The following ATG2B variants were observed in gnomAD, a reference collection of about 807,000 sequenced individuals.
ATG2B encodes autophagy-related protein 2 homolog B.
Under a neutral mutation model 241.3 loss-of-function variants are expected in ATG2B, and 121 were observed. That is an observed-to-expected ratio of 0.50 (90% CI 0.43 to 0.58). ATG2B has a LOEUF of 0.58. ATG2B is among the 20% of genes least tolerant of loss of function. The pLI is 0.00. For synonymous variants in ATG2B, 858 were observed against 876.6 expected, an observed-to-expected ratio of 0.98 and a Z score of 0.37; for missense variants, 2,306 against 2,491.6, an observed-to-expected ratio of 0.93 and a Z score of 1.59.
chr14:96,292,076 C>T lies in ATG2B; in HGVS notation c.5449G>A (p.Val1817Ile). Residue 1817 changes from valine to isoleucine, a missense_variant, in exon 37 of 42, where the codon GTT becomes ATT. Physicochemically the swap from Val to Ile is conservative, Grantham distance 29. Transcript: ENST00000359933. The stretch of plus-strand genomic sequence containing the variant: ...CCATGATAATCAAGTCGAATGGGAA[C>T]TTCTGACGTGAATCTAAATTCTCTG... The part of the protein sequence containing the change: ...FFREFRFTSE[V>I]PIRLDYHGKH... The T allele has an allele frequency of 6.3e-7, 1 of 1,594,310 alleles. No individual in the cohort carries two copies. Among genetic ancestry groups the T allele is most frequent in the Non-Finnish European group, 8.5e-7 (1 of 1,169,974 alleles).
intron 1 of ATG2B, among the ~76,000 whole-genome samples, chr14:96,357,965 T>G (rs1389077870): frequency 6.6e-6 from 1 of 152,204 alleles, no homozygotes; most frequent in Non-Finnish European, 1.5e-5. Flanking sequence ...TTAAAACATA[T>G]GGAGGCAATG....
chr14:96,362,434 C>T (rs1433119602), intron 1 of ATG2B, among the ~76,000 whole-genome samples: 1 of 152,148 alleles, frequency 6.6e-6, no homozygotes, highest in African/African-American at 2.4e-5. Flanking sequence ...ATCCTTAATC[C>T]TTCCAGAATG....
At position 96,326,924 on chromosome 14, in the gene ATG2B, A is replaced by T. The variant is rs1887601639; in HGVS notation, c.2164-1002T>A. 2.0e-5 allele frequency among the ~76,000 whole-genome samples: 3 copies of T among 151,986 alleles called. No homozygotes were observed. In the South Asian group the frequency reaches 6.2e-4, roughly 32 times the overall value. On this transcript the variant is annotated intron_variant, in intron 14 of 41. Transcript: ENST00000359933. ...TTTGATTTGCTAATATTTAACCACC[A>T]CTCTCAGGCAAAAATAACCCAACAG...
chr14:96,315,688 T>C (rs1566722774), intron 21 of ATG2B, 105 bp from the exon 22 acceptor site: 2 of 821,542 alleles, frequency 2.4e-6, no homozygotes, highest in African/African-American at 1.7e-5. Flanking sequence ...CCACTGAATA[T>C]AACTTAAGGA....
intron 4 of ATG2B, among the ~76,000 whole-genome samples, chr14:96,343,703 G>A (rs374124084): frequency 4.6e-5 from 7 of 152,202 alleles, no homozygotes; most frequent in African/African-American, 1.7e-4. Context: ...TGGTAACAGT[G>A]TGACAGCATT....
chr14:96,293,633 A>C (rs908689666), intron 36 of ATG2B, among the ~76,000 whole-genome samples: 13 of 152,370 alleles, frequency 8.5e-5, no homozygotes, highest in South Asian at 4.1e-4. Context: ...GGTCTTGAGC[A>C]AGTCAACTAA....
At chr14:96,354,348 T>A (rs1888416082) in intron 1 of ATG2B, among the ~76,000 whole-genome samples, 1 of 152,214 alleles carries the variant, frequency 6.6e-6, no homozygotes, top group Admixed American at 6.5e-5. Context: ...GTTCTCATCA[T>A]TCAGCTCCCA....
chr14:96,358,005 A>C (rs1360453065), intron 1 of ATG2B, among the ~76,000 whole-genome samples: 1 of 152,238 alleles, frequency 6.6e-6, no homozygotes, highest in Admixed American at 6.5e-5. Flanking sequence ...TCAACCTTAG[A>C]CAACTATGAG....
chr14:96,290,790 T>G lies in ATG2B; in HGVS notation c.5701+24A>C. The G allele has an allele frequency of 6.3e-7, 1 of 1,591,474 alleles. No homozygotes were observed. Among genetic ancestry groups the G allele is most frequent in the South Asian group, 1.2e-5 (1 of 86,212 alleles). ...TCATCTGAAAAAATAACTTATCTTT[T>G]GATTAAAAAAGAAGAAAACTCACCT... On this transcript the variant is annotated intron_variant, in intron 39 of 41. Transcript: ENST00000359933. The surrounding 1 kb of genome is among the most constrained non-coding windows in gnomAD (Gnocchi z 4.4).
chr14:96,347,683 G>T (rs1595332862), intron 1 of ATG2B, among the ~76,000 whole-genome samples: 2 of 152,186 alleles, frequency 1.3e-5, no homozygotes, highest in East Asian at 3.8e-4. Flanking sequence ...GATTTGAATA[G>T]ACATTCCTCA....
intron 1 of ATG2B, among the ~76,000 whole-genome samples, chr14:96,361,904 A>G (rs1475098061): frequency 4.6e-5 from 7 of 152,188 alleles, no homozygotes; most frequent in Non-Finnish European, 7.4e-5. Flanking sequence ...TCCATAATTT[A>G]AGATTTTCTG....
In ATG2B at chr14:96,289,731, A is replaced by G; in HGVS notation, c.5931T>C (p.Phe1977=). Residue 1977 remains phenylalanine, a synonymous_variant, in exon 41 of 42, where the codon TTT becomes TTC. Coordinates refer to ENST00000359933, the MANE Select transcript of ATG2B (RefSeq NM_018036.7). The surrounding 1 kb of genome is among the most constrained non-coding windows in gnomAD (Gnocchi z 4.3). The part of the protein sequence containing the change: ...LSIEPKKTKR[F]PHHRLAHQPV... ...GCTGGTGGGCTAACCGGTGATGAGG[A>G]AACCTTTTGGTCTTCTTGGGCTCGA... The G allele has an allele frequency of 6.2e-7, 1 of 1,614,196 alleles. No homozygotes were observed. The highest frequency in any genetic ancestry group is 8.5e-7 in the Non-Finnish European group (1 of 1,180,016).
At position 96,334,514 on chromosome 14, in the gene ATG2B, A is replaced by T; in HGVS notation, c.925-13T>A. ...CATCAACATCCAACTTAAGGGAAAA[A>T]AAAAAACTATTCATGAGGAGTATTC... On this transcript the variant is annotated splice_polypyrimidine_tract_variant and intron_variant, in intron 6 of 41. Coordinates refer to ENST00000359933, the MANE Select transcript of ATG2B (RefSeq NM_018036.7). 2.0e-6 allele frequency: 3 copies of T among 1,513,118 alleles called. No individual in the cohort carries two copies. Among genetic ancestry groups the T allele is most frequent in the Non-Finnish European group, 1.8e-6 (2 of 1,105,720 alleles). 93.7% of individuals were successfully genotyped at this position (1,513,118 alleles called of 1,614,324 possible).
At chr14:96,340,532 A>T (rs147169247) in intron 6 of ATG2B, among the ~76,000 whole-genome samples, 1 of 152,112 alleles carries the variant, frequency 6.6e-6, no homozygotes, top group Admixed American at 6.5e-5. Context: ...CGAAGAGTAG[A>T]CTGATGGTTA....
chr14:96,322,103 T>G lies in ATG2B; in HGVS notation c.2879+9A>C, dbSNP rs975615619. On this transcript the variant is annotated intron_variant, in intron 18 of 41. Coordinates refer to ENST00000359933, the MANE Select transcript of ATG2B (RefSeq NM_018036.7). ...TTCCAAAGATTCAACTAAATGTGTA[T>G]AAACTCACCTATTATAAAGCTTCTC... The G allele has an allele frequency of 3.9e-6, 6 of 1,519,466 alleles. No homozygotes were observed. Among genetic ancestry groups the G allele is most frequent in the African/African-American group, 1.5e-5 (1 of 68,848 alleles). 94.1% of individuals were successfully genotyped at this position (1,519,466 alleles called of 1,614,324 possible).
At chr14:96,308,270 A>ATATTTATATG (rs1555365545) in intron 29 of ATG2B, among the ~76,000 whole-genome samples, 1 of 27,904 alleles carries the variant, frequency 3.6e-5, no homozygotes. Flanking sequence ...ATATATATAT[A>ATATTTATATG]TATATATATA....
Position 96,344,700 on chromosome 14 carries a change from G to T in ATG2B, c.535C>A (p.Pro179Thr). 1 of 1,605,404 alleles carries T rather than the reference G, an allele frequency of 6.2e-7. No individual in the cohort carries two copies. Among genetic ancestry groups the T allele is most frequent in the Non-Finnish European group, 8.5e-7 (1 of 1,175,742 alleles). Reference sequence around the variant, plus strand: ...GCAGTTCCAGTTTTGGAATTTTCTGGCACATGTTCAATTCTCAAAACAGTA... The same window carrying T: ...GCAGTTCCAGTTTTGGAATTTTCTGTCACATGTTCAATTCTCAAAACAGTA... ...IDTVLRIEHV[P>T]ENSKTGTALE... The change falls in exon 4 of 42, where the codon CCA (proline) becomes ACA (threonine). Residue 179 changes from proline (P) to threonine (T), a missense_variant. Transcript: ENST00000359933.
Position 96,322,641 on chromosome 14 carries a change from C to G in ATG2B, c.2635G>C (p.Glu879Gln). ...AAGGAATGAGCACCTCCTTCCTCTT[C>G]CTCCTGGTAGTGACCATCATTCTCC... The part of the protein sequence containing the change: ...EEENDGHYQE[E>Q]EEGGAHSLKD... The change falls in exon 17 of 42, where the codon GAA (glutamate) becomes CAA (glutamine). Residue 879 changes from glutamate to glutamine, a missense_variant. By Grantham distance (29) the Glu-to-Gln change is conservative. Around this residue, in one of 2 missense-constraint regions of ATG2B, gnomAD observed 1,927 missense variants for 2,011.2 expected, o/e 0.96. Transcript: ENST00000359933. The G allele has an allele frequency of 6.2e-7, 1 of 1,613,736 alleles. No individual in the cohort carries two copies. Among genetic ancestry groups the G allele is most frequent in the Non-Finnish European group, 8.5e-7 (1 of 1,179,838 alleles).
At chr14:96,298,648 C>A (rs146155657) in intron 34 of ATG2B, among the ~76,000 whole-genome samples, 113 of 152,270 alleles carry the variant, frequency 7.4e-4, no homozygotes, top group African/African-American at 2.6e-3. Context: ...AGACTTAACG[C>A]TAAGTACAGG....
Sources: gnomAD v4.1 joint callset for allele counts (sites outside exome capture counted in the v4.1 genomes callset) on GRCh38, gnomAD v4.1.1 for gene constraint, gnomAD v4.1.1 regional missense constraint, Gnocchi (gnomAD v3.1) non-coding constraint, MANE v1.5 for transcripts, NCBI Gene and HGNC (gene_info 2026-07-23, HGNC 2026-07-21) for gene names.